The following HHIPL2 variants were observed in gnomAD, a reference collection of about 807,000 sequenced individuals.
The protein encoded by HHIPL2 is HHIP-like protein 2.
HHIPL2 carries 61 observed loss-of-function variants against 61.0 expected under a neutral mutation model. The ratio of observed to expected loss-of-function variants is 1.00; its 90% CI spans 0.81 to 1.24. The LOEUF is 1.24. Among genes scored for constraint, HHIPL2 ranks in the 50% most tolerant of loss-of-function variants. HHIPL2 has a pLI of 0.00. For missense variants in HHIPL2, 885 were observed against 910.2 expected (o/e 0.97, Z 0.36); for synonymous variants, 343 against 357.4 (o/e 0.96, Z 0.45).
At chr1:222,536,886 C>T (rs961490452) in intron 5 of HHIPL2, among the ~76,000 whole-genome samples, 2 of 140,008 alleles carry the variant, frequency 1.4e-5, no homozygotes, top group Non-Finnish European at 3.0e-5. Flanking sequence ...TCCATCTCTA[C>T]AAAAAAAAAA....
chr1:222,522,909 A>C, intron 8 of HHIPL2, 22 bp from the exon 9 acceptor site: 1 of 1,597,740 alleles, frequency 6.3e-7, no homozygotes, highest in Non-Finnish European at 8.5e-7. Context: ...GTATTTATTT[A>C]GTGAAAAATA....
intron 4 of HHIPL2, 68 bp from the exon 5 acceptor site, chr1:222,538,842 G>A: frequency 6.4e-7 from 1 of 1,567,100 alleles, no homozygotes; most frequent in Non-Finnish European, 8.7e-7. Context: ...GAGGAAGAAG[G>A]GGACTTTTTA....
At chr1:222,530,066 G>A (rs929099101) in intron 6 of HHIPL2, among the ~76,000 whole-genome samples, 2 of 152,140 alleles carry the variant, frequency 1.3e-5, no homozygotes, top group African/African-American at 4.8e-5. Context: ...TCAGCCTCAG[G>A]GCCGCCCTTG....
At chr1:222,531,914 G>A in intron 6 of HHIPL2, 52 bp downstream of exon 6, 3 of 1,519,248 alleles carry the variant, frequency 2.0e-6, no homozygotes, top group Non-Finnish European at 2.7e-6. Flanking sequence ...TGATGCCTGT[G>A]ATTATCCGAG....
chr1:222,528,820 ATTTTTTT>A (rs59113896), intron 6 of HHIPL2, among the ~76,000 whole-genome samples: 1 of 128,842 alleles, frequency 7.8e-6, no homozygotes, highest in Non-Finnish European at 1.6e-5. Flanking sequence ...TAAACAACTA[ATTTTTTT>A]TTTTTTTTTT....
chr1:222,542,387 CAG>C (rs34372615), intron 2 of HHIPL2, among the ~76,000 whole-genome samples: 49,805 of 151,086 alleles, frequency 0.33, 8,587 homozygotes, highest in East Asian at 0.51. Flanking sequence ...TTTTTTTAGA[CAG>C]AGTCTCACTC....
At chr1:222,546,780 G>A (rs1406665895) in intron 1 of HHIPL2, among the ~76,000 whole-genome samples, 1 of 152,190 alleles carries the variant, frequency 6.6e-6, no homozygotes, top group Non-Finnish European at 1.5e-5. Flanking sequence ...GGGAAGCTCG[G>A]TTAACCACTT....
chr1:222,541,246 T>G (rs894330253), intron 3 of HHIPL2, among the ~76,000 whole-genome samples: 2 of 152,188 alleles, frequency 1.3e-5, no homozygotes, highest in African/African-American at 4.8e-5. Flanking sequence ...CTAGGAATAA[T>G]AGAAGCCAAG....
At chr1:222,533,544 C>T (rs1468204406) in intron 5 of HHIPL2, among the ~76,000 whole-genome samples, 1 of 151,940 alleles carries the variant, frequency 6.6e-6, no homozygotes, top group Non-Finnish European at 1.5e-5. Flanking sequence ...GTAACTTTAC[C>T]CCATCTCTGT....
Position 222,542,017 on chromosome 1 carries a change from C to T in HHIPL2, c.1113G>A (p.Gln371=). The part of the protein sequence containing the change: ...GDPFGLFGNA[Q]NKSSLLGKVL... ...CCGGCCCCCATCCAGCTTACTTGTTCTGAGCATTTCCAAACAGGCCAAAGG... is the reference window on the plus strand; with the variant it reads ...CCGGCCCCCATCCAGCTTACTTGTTTTGAGCATTTCCAAACAGGCCAAAGG... Residue 371 remains glutamine (Q), a synonymous_variant, in exon 3 of 9, where the codon CAG becomes CAA. Transcript: ENST00000343410. 6.2e-7 allele frequency: 1 copy of T among 1,611,128 alleles called. No homozygotes were observed.
intron 6 of HHIPL2, among the ~76,000 whole-genome samples, chr1:222,528,166 A>C (rs770354714): frequency 1.3e-5 from 2 of 152,164 alleles, no homozygotes; most frequent in Non-Finnish European, 2.9e-5. Context: ...AGAGTCCCAG[A>C]AGTCTGATTT....
At chr1:222,537,586 C>T (rs112352522) in intron 5 of HHIPL2, among the ~76,000 whole-genome samples, 19,577 of 149,688 alleles carry the variant, frequency 0.13, 1,736 homozygotes, top group African/African-American at 0.26. Flanking sequence ...GAGCCGAGAT[C>T]GCACCACTGC....
At chr1:222,527,094 GC>G in intron 6 of HHIPL2, 44 bp from the exon 7 acceptor site, 3 of 1,432,328 alleles carry the variant, frequency 2.1e-6, no homozygotes. Flanking sequence ...ACATCAGGCA[GC>G]ACTGAGACAC....
Position 222,547,986 on chromosome 1 carries a change from A to G in HHIPL2, c.59T>C (p.Leu20Pro). 1 of 1,609,092 alleles carries G rather than the reference A, an allele frequency of 6.2e-7. No individual in the cohort carries two copies. The highest frequency in any genetic ancestry group is 8.5e-7 in the Non-Finnish European group (1 of 1,176,614). ...GCAGAGGCAGAGAATGCCAGAAGAG[A>G]GCCAGGGGGCCCGGCAATGCAGACC... Reference protein sequence around the residue: ...CGGLHCRAPWLSSGILCLCLI... With the variant: ...CGGLHCRAPWPSSGILCLCLI... The change falls in exon 1 of 9, where the codon CTC becomes CCC. Residue 20 changes from leucine (L) to proline (P), a missense_variant. By Grantham distance (98) the Leu-to-Pro change is moderately conservative. Coordinates refer to ENST00000343410, the MANE Select transcript of HHIPL2 (RefSeq NM_024746.4).
chr1:222,530,228 C>A (rs960082279), intron 6 of HHIPL2, among the ~76,000 whole-genome samples: 8 of 152,100 alleles, frequency 5.3e-5, no homozygotes, highest in African/African-American at 1.9e-4. Flanking sequence ...AACCAAGCCA[C>A]CAAAGCCAGG....
In HHIPL2 at chr1:222,522,326, C is replaced by T; in HGVS notation, c.*275G>A. 2.1e-6 allele frequency: 1 copy of T among 480,370 alleles called. No homozygotes were observed. The highest frequency in any genetic ancestry group is 3.7e-6 in the Non-Finnish European group (1 of 270,042). 29.8% of individuals were successfully genotyped at this position (480,370 alleles called of 1,614,324 possible). On this transcript the variant is annotated 3_prime_UTR_variant, in exon 9 of 9. Coordinates refer to ENST00000343410, the MANE Select transcript of HHIPL2 (RefSeq NM_024746.4). ...CATTTACAAGACAAAACGGAGACAT[C>T]CAGTGTGATTCCAAGCAGGCTCATG...
intron 5 of HHIPL2, among the ~76,000 whole-genome samples, chr1:222,534,484 G>A (rs1387934161): frequency 6.6e-6 from 1 of 152,048 alleles, no homozygotes; most frequent in East Asian, 1.9e-4. Flanking sequence ...GGCTGAGGCA[G>A]GAGAAGGGCG....
intron 3 of HHIPL2, among the ~76,000 whole-genome samples, chr1:222,541,795 A>G (rs1024957152): frequency 2.0e-5 from 3 of 152,222 alleles, no homozygotes; most frequent in African/African-American, 4.8e-5. Context: ...TCCTTTACAT[A>G]ACACTCTGAC....
In HHIPL2 at chr1:222,522,447, T is replaced by C; in HGVS notation, c.*154A>G. On this transcript the variant is annotated 3_prime_UTR_variant, in exon 9 of 9. Coordinates refer to ENST00000343410, the MANE Select transcript of HHIPL2 (RefSeq NM_024746.4). ...AGAGAAGGTGCATTTATTTATTCAG[T>C]AGACAGCAAGATTTCCCAGGGAGAG... The C allele has an allele frequency of 1.4e-6, 1 of 722,298 alleles. No individual in the cohort carries two copies. Among genetic ancestry groups the C allele is most frequent in the Non-Finnish European group, 2.4e-6 (1 of 424,256 alleles). The allele number at this position is 722,298 out of a possible 1,614,324, so 44.7% of individuals were successfully genotyped here.
Sources: gnomAD v4.1 joint callset for allele counts (sites outside exome capture counted in the v4.1 genomes callset) on GRCh38, gnomAD v4.1.1 for gene constraint, MANE v1.5 for transcripts, NCBI Gene and HGNC (gene_info 2026-07-23, HGNC 2026-07-21) for gene names.